Variants in TENM2 observed in about 807,000 individuals in gnomAD.
TENM2 encodes teneurin transmembrane protein 2.
A neutral mutation model predicts 245.2 loss-of-function variants in TENM2; 52 were observed. The ratio of observed to expected loss-of-function variants is 0.21; its 90% CI spans 0.17 to 0.27. TENM2 has a LOEUF of 0.27. Among genes scored for constraint, TENM2 ranks in the 10% least tolerant of loss-of-function variants. TENM2 has a pLI of 1.00. For synonymous variants in TENM2, 1,363 were observed against 1,438.9 expected (o/e 0.95, Z 1.19); for missense variants, 3,046 against 3,666.8 (o/e 0.83, Z 4.37).
intron 2 of TENM2, among the ~76,000 whole-genome samples, chr5:167,503,883 C>T (rs1271938399): frequency 6.6e-6 from 1 of 152,044 alleles, no homozygotes; most frequent in Non-Finnish European, 1.5e-5. Context: ...GACAGAGTCT[C>T]ACTCTGTCTC....
intron 8 of TENM2, among the ~76,000 whole-genome samples, chr5:168,094,880 CCT>C (rs992527901): frequency 6.6e-6 from 1 of 152,072 alleles, no homozygotes; most frequent in Non-Finnish European, 1.5e-5. Context: ...AGCTCCGCCC[CCT>C]GTCAGATCAG....
At chr5:166,999,946 A>G in the TENM2 span, among the ~76,000 whole-genome samples, 1 of 152,116 alleles carries the variant, frequency 6.6e-6, no homozygotes, top group South Asian at 2.1e-4. Context: ...AAAATGAGGA[A>G]AAGGAGGTGG....
chr5:167,335,573 C>T (rs896919547), intron 1 of TENM2, among the ~76,000 whole-genome samples: 22 of 152,004 alleles, frequency 1.4e-4, no homozygotes, highest in African/African-American at 4.6e-4. Flanking sequence ...TTTATCACAG[C>T]GATTTCACAA....
chr5:167,889,625 A>G (rs564330437), intron 3 of TENM2, among the ~76,000 whole-genome samples: 1 of 151,658 alleles, frequency 6.6e-6, no homozygotes, highest in East Asian at 1.9e-4. Flanking sequence ...ATACATTCCT[A>G]TCAGCGATTT....
At chr5:167,764,668 C>T (rs770224893) in intron 2 of TENM2, among the ~76,000 whole-genome samples, 2 of 152,040 alleles carry the variant, frequency 1.3e-5, no homozygotes, top group African/African-American at 2.4e-5. Context: ...GACGGTGGGC[C>T]GGTGAGGATT....
intron 2 of TENM2, among the ~76,000 whole-genome samples, chr5:167,523,879 TTC>T (rs1438816831): frequency 1.3e-5 from 2 of 152,192 alleles, no homozygotes; most frequent in Admixed American, 6.5e-5. Flanking sequence ...TTGCCTATGT[TTC>T]TGTGCCCTTC....
At chr5:167,001,556 AC>A in the TENM2 span, among the ~76,000 whole-genome samples, 3 of 151,688 alleles carry the variant, frequency 2.0e-5, no homozygotes, top group Non-Finnish European at 4.4e-5. Context: ...AAAAAAAAAA[AC>A]ATTAACAGTA....
intron 1 of TENM2, among the ~76,000 whole-genome samples, chr5:167,330,318 G>A (rs983872858): frequency 1.3e-5 from 2 of 152,150 alleles, no homozygotes; most frequent in African/African-American, 4.8e-5. Flanking sequence ...TACAGTTGAG[G>A]AAACTGAGAT....
At chr5:167,987,034 A>G (rs542175115) in intron 4 of TENM2, among the ~76,000 whole-genome samples, 2 of 152,332 alleles carry the variant, frequency 1.3e-5, no homozygotes, top group Admixed American at 6.5e-5. Context: ...AGTACCATGT[A>G]AGAATAACCA....
chr5:167,072,177 T>A, the TENM2 span, among the ~76,000 whole-genome samples: 2 of 152,112 alleles, frequency 1.3e-5, no homozygotes, highest in Non-Finnish European at 2.9e-5. Flanking sequence ...CGGGGCTCAT[T>A]GTGTTGACAT....
chr5:168,145,055 A>T (rs907263442), intron 12 of TENM2, among the ~76,000 whole-genome samples: 2 of 151,672 alleles, frequency 1.3e-5, no homozygotes, highest in Admixed American at 1.3e-4. Flanking sequence ...AATTTGTTTG[A>T]GTTCACTGTA....
intron 11 of TENM2, among the ~76,000 whole-genome samples, chr5:168,125,810 T>C (rs992881253): frequency 8.5e-5 from 13 of 152,172 alleles, no homozygotes; most frequent in Admixed American, 5.2e-4. Context: ...TCAGCCCACT[T>C]GACTCTGGCT....
At chr5:167,787,819 G>T (rs1332037008) in intron 2 of TENM2, among the ~76,000 whole-genome samples, 1 of 152,190 alleles carries the variant, frequency 6.6e-6, no homozygotes, top group Non-Finnish European at 1.5e-5. Context: ...CCCGCTAAAG[G>T]AAAACTAGAG....
At chr5:168,096,127 A>G (rs971817075) in intron 8 of TENM2, among the ~76,000 whole-genome samples, 1 of 152,330 alleles carries the variant, frequency 6.6e-6, no homozygotes, top group Admixed American at 6.5e-5. Flanking sequence ...GGAGAGAGAC[A>G]CTATCGCTGT....
intron 2 of TENM2, among the ~76,000 whole-genome samples, chr5:167,755,533 A>G (rs548646382): frequency 6.6e-6 from 1 of 152,112 alleles, no homozygotes; most frequent in African/African-American, 2.4e-5. Flanking sequence ...TAAGTCAAGC[A>G]TCCTGTGTCT....
At chr5:167,259,760 A>T in the TENM2 span, among the ~76,000 whole-genome samples, 1 of 152,070 alleles carries the variant, frequency 6.6e-6, no homozygotes, top group African/African-American at 2.4e-5. Context: ...CCAGGCCCCT[A>T]AGATGTTTTA....
chr5:167,936,082 C>A (rs965303426), intron 3 of TENM2, among the ~76,000 whole-genome samples: 6 of 152,160 alleles, frequency 3.9e-5, no homozygotes, highest in Non-Finnish European at 8.8e-5. Context: ...GTTTCTCTTC[C>A]TGGGTAGCAA....
At chr5:167,080,768 T>C in the TENM2 span, among the ~76,000 whole-genome samples, 2 of 152,190 alleles carry the variant, frequency 1.3e-5, no homozygotes, top group Non-Finnish European at 2.9e-5. Flanking sequence ...AAAATGTATC[T>C]TCTCAAAGAA....
intron 1 of TENM2, among the ~76,000 whole-genome samples, chr5:167,371,638 G>C (rs913336936): frequency 6.6e-6 from 1 of 152,100 alleles, no homozygotes; most frequent in Non-Finnish European, 1.5e-5. Context: ...TAGGATTACA[G>C]GAGTGAGCCA....
Sources: gnomAD v4.1 joint callset for allele counts (sites outside exome capture counted in the v4.1 genomes callset) on GRCh38, gnomAD v4.1.1 for gene constraint, MANE v1.5 for transcripts, NCBI Gene and HGNC (gene_info 2026-07-23, HGNC 2026-07-21) for gene names.